The following TUSC3 variants were observed in gnomAD, a reference collection of about 807,000 sequenced individuals.
TUSC3 encodes the protein tumor suppressor candidate 3, also known as dolichyl-diphosphooligosaccharide--protein glycosyltransferase subunit TUSC3.
Under a neutral mutation model 44.8 loss-of-function variants are expected in TUSC3, and 45 were observed. The observed-to-expected ratio is 1.00, with a 90% CI of 0.79 to 1.29. The LOEUF is 1.29. Among genes scored for constraint, TUSC3 ranks in the 50% most tolerant of loss-of-function variants. TUSC3 has a pLI of 0.00. For missense variants in TUSC3, 519 were observed against 437.9 expected, an observed-to-expected ratio of 1.19 and a Z score of -1.65; for synonymous variants, 212 against 152.9, an observed-to-expected ratio of 1.39 and a Z score of -2.85.
At chr8:15,789,693 A>T in the TUSC3 span, among the ~76,000 whole-genome samples, 1 of 152,334 alleles carries the variant, frequency 6.6e-6, no homozygotes, top group African/African-American at 2.4e-5. Flanking sequence ...ACAAAACTTA[A>T]AAGATGTATG....
At chr8:15,601,178 A>G (rs971248090) in intron 1 of TUSC3, among the ~76,000 whole-genome samples, 1 of 151,730 alleles carries the variant, frequency 6.6e-6, no homozygotes, top group African/African-American at 2.4e-5. Context: ...TTTTAAACTC[A>G]TTTCCAAAGA....
the TUSC3 span, among the ~76,000 whole-genome samples, chr8:15,822,496 G>A: frequency 1.3e-5 from 2 of 152,120 alleles, no homozygotes; most frequent in African/African-American, 2.4e-5. Context: ...TAGGTCTTTG[G>A]AGGGATGTGA....
chr8:15,740,931 C>T (rs1053838813), intron 7 of TUSC3, among the ~76,000 whole-genome samples: 2 of 152,010 alleles, frequency 1.3e-5, no homozygotes, highest in African/African-American at 2.4e-5. Flanking sequence ...CGAAAATGTA[C>T]GTAATTTTCT....
At chr8:15,561,418 A>G (rs1193223242) in intron 1 of TUSC3, among the ~76,000 whole-genome samples, 1 of 139,448 alleles carries the variant, frequency 7.2e-6, no homozygotes, top group Non-Finnish European at 1.6e-5. Flanking sequence ...GCTGTCAGAC[A>G]GGGACATTTA....
chr8:15,741,512 C>G (rs1215795445), intron 7 of TUSC3, among the ~76,000 whole-genome samples: 2 of 151,962 alleles, frequency 1.3e-5, no homozygotes, highest in Non-Finnish European at 2.9e-5. Flanking sequence ...ATGGCGAAAC[C>G]CCAACTCTAC....
chr8:15,471,131 T>TC (rs79209233), intron 1 of TUSC3, among the ~76,000 whole-genome samples: 6 of 151,956 alleles, frequency 3.9e-5, no homozygotes, highest in African/African-American at 1.4e-4. Flanking sequence ...AAACATTTCT[T>TC]TGATTTAATT....
At chr8:15,730,210 A>T (rs1046885708) in intron 6 of TUSC3, among the ~76,000 whole-genome samples, 30 of 152,160 alleles carry the variant, frequency 2.0e-4, no homozygotes, top group African/African-American at 7.2e-4. Flanking sequence ...AAAAATTTAA[A>T]TGCTATAATG....
intron 3 of TUSC3, among the ~76,000 whole-genome samples, chr8:15,652,579 GTAA>G (rs1328414589): frequency 6.6e-6 from 1 of 152,020 alleles, no homozygotes; most frequent in Non-Finnish European, 1.5e-5. Context: ...AATGATAATA[GTAA>G]TAATAGTATC....
rs1176134128 is a variant in TUSC3, at chr8:15,647,723, G to A, written c.309-2974G>A. On this transcript the variant is annotated intron_variant, in intron 2 of 10. Transcript: ENST00000503731. ...TTTAAGGTAATTTTCTGAGAATTTG[G>A]GGTCTAATTTCAGATTCCTTACATT... Among the ~76,000 whole-genome samples, 6 of 151,878 alleles carry A rather than the reference G, an allele frequency of 4.0e-5. 1 individual carries two copies.
chr8:15,717,931 CATG>C (rs1396748340), intron 6 of TUSC3, among the ~76,000 whole-genome samples: 4 of 152,006 alleles, frequency 2.6e-5, no homozygotes, highest in Admixed American at 6.6e-5. Context: ...TTTTGCCTTG[CATG>C]ATTAGACATT....
At chr8:15,822,418 C>T in the TUSC3 span, among the ~76,000 whole-genome samples, 4 of 152,066 alleles carry the variant, frequency 2.6e-5, no homozygotes, top group Admixed American at 1.3e-4. Context: ...CTTTAATATT[C>T]GAGAGAATTA....
intron 1 of TUSC3, among the ~76,000 whole-genome samples, chr8:15,429,823 C>T (rs1316116868): frequency 6.6e-6 from 1 of 151,664 alleles, no homozygotes; most frequent in Non-Finnish European, 1.5e-5. Context: ...CACAGAAATA[C>T]AAACTACCAT....
At chr8:15,790,293 C>A in the TUSC3 span, among the ~76,000 whole-genome samples, 1 of 141,266 alleles carries the variant, frequency 7.1e-6, no homozygotes, top group African/African-American at 2.7e-5. Flanking sequence ...TCAAGCGATT[C>A]TCCTGCCTCA....
At chr8:15,665,537 T>A (rs1331017457) in intron 5 of TUSC3, among the ~76,000 whole-genome samples, 2 of 151,026 alleles carry the variant, frequency 1.3e-5, no homozygotes, top group Non-Finnish European at 3.0e-5. Flanking sequence ...GAGAAGTGTA[T>A]GCTGAGGGAG....
intron 1 of TUSC3, among the ~76,000 whole-genome samples, chr8:15,444,370 C>T (rs1203521081): frequency 6.6e-6 from 1 of 152,058 alleles, no homozygotes; most frequent in Non-Finnish European, 1.5e-5. Flanking sequence ...AACTTCAATA[C>T]AAGGAAAAGT....
chr8:15,804,931 T>C, the TUSC3 span, among the ~76,000 whole-genome samples: 1 of 152,204 alleles, frequency 6.6e-6, no homozygotes, highest in East Asian at 1.9e-4. Flanking sequence ...AGTATGGCCA[T>C]TTTAACAATA....
At chr8:15,820,361 G>T in the TUSC3 span, among the ~76,000 whole-genome samples, 1 of 146,482 alleles carries the variant, frequency 6.8e-6, no homozygotes, top group Non-Finnish European at 1.5e-5. Context: ...CGCCAAGCTG[G>T]AGTGCAGTGG....
At chr8:15,582,758 A>T (rs1353375913) in intron 1 of TUSC3, among the ~76,000 whole-genome samples, 2 of 152,222 alleles carry the variant, frequency 1.3e-5, no homozygotes, top group Non-Finnish European at 2.9e-5. Context: ...CTGCTGGAAC[A>T]ACCTGCCTCA....
At position 15,659,538 on chromosome 8, in the gene TUSC3, A is replaced by G. The variant is rs1166829557; in HGVS notation, c.458A>G (p.His153Arg). ...ATGAACTCTGCTCCTACATTCATGC[A>G]TTTTCCTCCAAAAGGCAGACCTAAG... ...LNMNSAPTFMHFPPKGRPKRA... is the reference protein window; with the variant it reads ...LNMNSAPTFMRFPPKGRPKRA... Residue 153 changes from histidine to arginine, a missense_variant, in exon 4 of 11, where the codon CAT becomes CGT. Transcript: ENST00000503731. The G allele has an allele frequency of 6.2e-6, 10 of 1,613,126 alleles. No homozygotes were observed. The highest frequency in any genetic ancestry group is 2.2e-5 in the East Asian group (1 of 44,820).
Sources: gnomAD v4.1 joint callset for allele counts (sites outside exome capture counted in the v4.1 genomes callset) on GRCh38, gnomAD v4.1.1 for gene constraint, MANE v1.5 for transcripts, NCBI Gene and HGNC (gene_info 2026-07-23, HGNC 2026-07-21) for gene names.